NT5C2: variants seen among roughly 807,000 people sequenced by gnomAD.
NT5C2 encodes cytosolic purine 5'-nucleotidase.
In NT5C2, 58 loss-of-function variants were observed where a neutral mutation model predicts 76.1. The ratio of observed to expected loss-of-function variants is 0.76; its 90% CI spans 0.62 to 0.95. The LOEUF is 0.95. Ranked by LOEUF, NT5C2 falls within the 40% of genes least tolerant of loss-of-function variation. NT5C2 has a pLI of 0.00. For synonymous variants in NT5C2, 229 were observed against 237.4 expected (o/e 0.96, Z 0.32); for missense variants, 478 against 690.3 (o/e 0.69, Z 3.45).
At chr10:103,113,001 G>A (rs1223690482) in intron 4 of NT5C2, among the ~76,000 whole-genome samples, 1 of 151,862 alleles carries the variant, frequency 6.6e-6, no homozygotes, top group Non-Finnish European at 1.5e-5. Flanking sequence ...AATAGACACA[G>A]GCAAAAATCC....
intron 3 of NT5C2, among the ~76,000 whole-genome samples, chr10:103,140,783 A>ATT (rs2080267736): frequency 6.6e-6 from 1 of 152,224 alleles, no homozygotes; most frequent in South Asian, 2.1e-4. Flanking sequence ...CTGATGATTA[A>ATT]TGATGTTAAG....
chr10:103,188,357 T>C (rs1160968154), intron 1 of NT5C2, among the ~76,000 whole-genome samples: 2 of 151,116 alleles, frequency 1.3e-5, no homozygotes, highest in Non-Finnish European at 2.9e-5. Flanking sequence ...AAATCAAAAA[T>C]GAATAAATAA....
chr10:103,131,563 C>T (rs1036122472), intron 4 of NT5C2, among the ~76,000 whole-genome samples: 2 of 152,174 alleles, frequency 1.3e-5, no homozygotes, highest in Non-Finnish European at 1.5e-5. Flanking sequence ...TTCTATGAAC[C>T]ACAAAGCAGA....
In NT5C2 at chr10:103,096,602, T is replaced by C. The variant is rs535972796; in HGVS notation, c.772-622A>G. Among the ~76,000 whole-genome samples, 10 of 152,204 alleles carry C rather than the reference T, an allele frequency of 6.6e-5. No individual in the cohort carries two copies. The East Asian group carries it at 1.9e-3, about 29-fold the overall frequency. On this transcript the variant is annotated intron_variant, in intron 11 of 18. Transcript: ENST00000404739. ...GACTCACGCCTGTAATCCCAGCACT[T>C]TGGGAGGCCAAGGTGGGTGGATCAC...
chr10:103,089,690 C>T lies in NT5C2; in HGVS notation c.1668G>A (p.Glu556=), dbSNP rs767601922. The change falls in exon 19 of 19, where the codon GAG becomes GAA. Residue 556 remains glutamate (E), a synonymous_variant. Coordinates refer to ENST00000404739, the MANE Select transcript of NT5C2 (RefSeq NM_001351169.2). ...TTCCTCCTTATTCTTCCTCCTCCTC[C>T]TCCTCTTCATCATCATCTTCGTCAT... ...HCHDEDDDEE[E]EEEEE is the part of the protein sequence containing the mutation. 1.0e-5 allele frequency: 16 copies of T among 1,607,820 alleles called. No individual in the cohort carries two copies. The highest frequency in any genetic ancestry group is 1.4e-5 in the Non-Finnish European group (16 of 1,176,974).
chr10:103,185,650 AAAAAAAAAAAAAAGG>A (rs1340960633), intron 1 of NT5C2, among the ~76,000 whole-genome samples: 1 of 111,900 alleles, frequency 8.9e-6, no homozygotes, highest in Non-Finnish European at 1.9e-5. Flanking sequence ...CCCTGTCTCC[AAAAAAAAAAAAAAGG>A]AAAAAAAAAA....
In NT5C2 at chr10:103,094,122, C is replaced by G. The variant is rs2067589231; in HGVS notation, c.922-84G>C. 1.1e-5 allele frequency: 12 copies of G among 1,060,206 alleles called. No individual in the cohort carries two copies. The Admixed American group carries it at 2.0e-4, about 18-fold the overall frequency. 65.7% of individuals were successfully genotyped at this position (1,060,206 alleles called of 1,614,324 possible). A position where few individuals can be genotyped will look rare whatever the true frequency, so the allele number is the denominator to read the frequency against. Reference sequence around the variant, plus strand: ...CCCCACAACCCTCCCATCCCACCCCCCACCACCAGTGCTACTTGGCCAGAC... The same window carrying G: ...CCCCACAACCCTCCCATCCCACCCCGCACCACCAGTGCTACTTGGCCAGAC... On this transcript the variant is annotated intron_variant, in intron 13 of 18. Transcript: ENST00000404739.
intron 4 of NT5C2, among the ~76,000 whole-genome samples, chr10:103,134,628 C>T (rs1295016952): frequency 1.3e-5 from 2 of 152,222 alleles, no homozygotes; most frequent in Admixed American, 1.3e-4. Flanking sequence ...AGCCCCCACA[C>T]AGAGTCCCTA....
intron 3 of NT5C2, among the ~76,000 whole-genome samples, chr10:103,144,372 T>C (rs968623725): frequency 7.2e-5 from 11 of 152,218 alleles, no homozygotes; most frequent in Non-Finnish European, 1.2e-4. Context: ...AGAAAGATGC[T>C]AGCTAGCTTC....
intron 4 of NT5C2, among the ~76,000 whole-genome samples, chr10:103,122,280 T>C (rs1340623121): frequency 2.0e-5 from 3 of 152,246 alleles, no homozygotes; most frequent in Non-Finnish European, 4.4e-5. Context: ...AAAGAAAAAC[T>C]GTGTTTTAAC....
At chr10:103,175,465 AC>A in intron 2 of NT5C2, 1 of 160,106 alleles carries the variant, frequency 6.2e-6, no homozygotes, top group Non-Finnish European at 1.4e-5. Context: ...CGCCAGCCCC[AC>A]CCCTCTGCCT....
chr10:103,126,483 G>A (rs548172127), intron 4 of NT5C2, among the ~76,000 whole-genome samples: 10 of 152,220 alleles, frequency 6.6e-5, no homozygotes, highest in South Asian at 2.1e-4. Context: ...TTAACAGGGC[G>A]CGGTGGTGCA....
chr10:103,174,165 G>A (rs975502375), intron 3 of NT5C2, among the ~76,000 whole-genome samples: 32 of 152,008 alleles, frequency 2.1e-4, no homozygotes, highest in Non-Finnish European at 4.0e-4. Context: ...CCAGCACTTC[G>A]GGAGGCTGAG....
chr10:103,129,554 G>A (rs1591228134), intron 4 of NT5C2, among the ~76,000 whole-genome samples: 6 of 119,844 alleles, frequency 5.0e-5, no homozygotes, highest in African/African-American at 6.2e-5. Context: ...CCGGCCAGCC[G>A]CCCCGTCCGG....
At chr10:103,182,789 TACA>T (rs1564651003) in intron 1 of NT5C2, among the ~76,000 whole-genome samples, 1 of 152,202 alleles carries the variant, frequency 6.6e-6, no homozygotes, top group African/African-American at 2.4e-5. Context: ...GGTCTCTAAA[TACA>T]ACAACTTTCA....
At chr10:103,092,144 C>T (rs1005679447) in intron 15 of NT5C2, among the ~76,000 whole-genome samples, 1 of 152,208 alleles carries the variant, frequency 6.6e-6, no homozygotes, top group African/African-American at 2.4e-5. Context: ...CAGCATGCTG[C>T]CGGTGTGTTG....
chr10:103,106,663 A>G lies in NT5C2; in HGVS notation c.219T>C (p.Thr73=), dbSNP rs146517994. The change falls in exon 5 of 19, where the codon ACT becomes ACC. Residue 73 remains threonine (T), a synonymous_variant. Coordinates refer to ENST00000404739, the MANE Select transcript of NT5C2 (RefSeq NM_001351169.2). ...AGCCAATAGAAACTAATCTCTCCAC[A>G]GTAAGCTCAAAACCAAGGGACTCAT... The part of the protein sequence containing the change: ...PEYESLGFEL[T]VERLVSIGYP... The G allele has an allele frequency of 7.1e-5, 115 of 1,613,784 alleles. No individual in the cohort carries two copies. The highest frequency in any genetic ancestry group is 1.8e-5 in the Non-Finnish European group (21 of 1,179,800).
chr10:103,169,777 T>C (rs2087394241), intron 3 of NT5C2, among the ~76,000 whole-genome samples: 1 of 151,886 alleles, frequency 6.6e-6, no homozygotes, highest in Non-Finnish European at 1.5e-5. Context: ...AGCCAGAAGA[T>C]CAAAACCAGC....
chr10:103,123,528 A>G (rs982153123), intron 4 of NT5C2, among the ~76,000 whole-genome samples: 1 of 152,120 alleles, frequency 6.6e-6, no homozygotes, highest in Non-Finnish European at 1.5e-5. Context: ...TTTTTGTACA[A>G]TGTTGCTAGT....
Sources: allele counts gnomAD v4.1 joint callset (sites outside exome capture counted in the v4.1 genomes callset), GRCh38; gene constraint gnomAD v4.1.1; transcripts MANE v1.5; gene names NCBI Gene and HGNC (gene_info 2026-07-23, HGNC 2026-07-21).